KIF26B: variants seen among roughly 807,000 people sequenced by gnomAD.
KIF26B encodes kinesin family member 26B, also known as kinesin-like protein KIF26B.
KIF26B carries 63 observed loss-of-function variants against 151.2 expected under a neutral mutation model. That is an observed-to-expected ratio of 0.42 (90% CI 0.34 to 0.51). KIF26B has a LOEUF of 0.51. Ranked by LOEUF, KIF26B falls within the 20% of genes least tolerant of loss-of-function variation. KIF26B has a pLI of 0.07. For synonymous variants in KIF26B, 1,357 were observed against 1,262.1 expected (o/e 1.08, Z -1.59); for missense variants, 2,813 against 2,913.6 (o/e 0.97, Z 0.79).
At position 245,596,678 on chromosome 1, in the gene KIF26B, G is replaced by A. The variant is rs572345618; in HGVS notation, c.1351-5899G>A. On this transcript the variant is annotated intron_variant, in intron 5 of 14. Coordinates refer to ENST00000407071, the MANE Select transcript of KIF26B (RefSeq NM_018012.4). ...TCACTCAGTCCTGAGCTGAGTTCAAGCCCTGAATATCCTTATTAATTTTCT... is the reference window on the plus strand; with the variant it reads ...TCACTCAGTCCTGAGCTGAGTTCAAACCCTGAATATCCTTATTAATTTTCT... Among the ~76,000 whole-genome samples the A allele has an allele frequency of 2.8e-4, 42 of 152,258 alleles. No individual in the cohort carries two copies. The South Asian group carries it at 6.2e-3, about 23-fold the overall frequency.
At chr1:245,673,281 C>G (rs1181135834) in intron 10 of KIF26B, among the ~76,000 whole-genome samples, 1 of 146,556 alleles carries the variant, frequency 6.8e-6, no homozygotes, top group African/African-American at 2.6e-5. Flanking sequence ...GGCCCAGTCC[C>G]CGCTGGGCGC....
chr1:245,469,243 G>T (rs1049599720), intron 4 of KIF26B, among the ~76,000 whole-genome samples: 1 of 152,088 alleles, frequency 6.6e-6, no homozygotes, highest in African/African-American at 2.4e-5. Flanking sequence ...CACTTGGGGA[G>T]AATGTCATGC....
chr1:245,685,481 T>C lies in KIF26B; in HGVS notation c.2498T>C (p.Phe833Ser). 1.9e-6 allele frequency: 3 copies of C among 1,613,726 alleles called. No individual in the cohort carries two copies. The highest frequency in any genetic ancestry group is 1.7e-6 in the Non-Finnish European group (2 of 1,179,844). Residue 833 changes from phenylalanine to serine, a missense_variant, in exon 12 of 15, where the codon TTC (phenylalanine) becomes TCC (serine). This residue lies in a region of KIF26B where 2,060 missense variants were observed against 2,088.6 expected (regional missense o/e 0.99). Coordinates refer to ENST00000407071, the MANE Select transcript of KIF26B (RefSeq NM_018012.4). ...CGCAGGCCCACCCAGCTGAGACCCT[T>C]CCACACCAGGGCCACGGTGGACCCT... ...RMRRPTQLRP[F>S]HTRATVDPDF...
At chr1:245,303,758 T>A (rs889455690) in intron 2 of KIF26B, among the ~76,000 whole-genome samples, 1 of 152,186 alleles carries the variant, frequency 6.6e-6, no homozygotes, top group African/African-American at 2.4e-5. Context: ...TGATAAAATA[T>A]ACATAAGGCA....
intron 10 of KIF26B, among the ~76,000 whole-genome samples, chr1:245,662,265 A>AAT (rs1489787891): frequency 6.7e-6 from 1 of 149,956 alleles, no homozygotes; most frequent in Non-Finnish European, 1.5e-5. Context: ...ACACACACCC[A>AAT]ATATATATAC....
At position 245,156,347 on chromosome 1, in the gene KIF26B, A is replaced by G; in HGVS notation, c.129A>G (p.Lys43=). 1.9e-6 allele frequency: 3 copies of G among 1,547,066 alleles called. No individual in the cohort carries two copies. Among genetic ancestry groups the G allele is most frequent in the Non-Finnish European group, 2.6e-6 (3 of 1,145,702 alleles). Reference sequence around the variant, plus strand: ...TCTCCCCGGAAAGCTGGTACCGGAAAGCATACGAGGAGTCGCGCGCCGGCA... The same window carrying G: ...TCTCCCCGGAAAGCTGGTACCGGAAGGCATACGAGGAGTCGCGCGCCGGCA... ...APFSPESWYR[K]AYEESRAGSR... Residue 43 remains lysine, a synonymous_variant, in exon 2 of 15, where the codon AAA becomes AAG. Transcript: ENST00000407071.
At chr1:245,314,552 G>A (rs1414999272) in intron 2 of KIF26B, among the ~76,000 whole-genome samples, 1 of 152,196 alleles carries the variant, frequency 6.6e-6, no homozygotes, top group Non-Finnish European at 1.5e-5. Flanking sequence ...ATAAGCAAAT[G>A]AATGGTCGTG....
At chr1:245,203,049 T>C (rs1486990797) in intron 2 of KIF26B, among the ~76,000 whole-genome samples, 1 of 151,120 alleles carries the variant, frequency 6.6e-6, no homozygotes, top group Non-Finnish European at 1.5e-5. Flanking sequence ...GGTCAGGAGT[T>C]TGAGACCAGC....
Position 245,597,909 on chromosome 1 carries a change from G to A in KIF26B, c.1351-4668G>A, listed in dbSNP as rs545288068. Among the ~76,000 whole-genome samples the A allele has an allele frequency of 7.9e-4, 120 of 151,664 alleles. 1 individual carries two copies. The South Asian group carries it at 0.013, about 17-fold the overall frequency. ...TTCAATCTCTGCTATCCTTTCTTCC[G>A]CTTGATCGATTCAGCTATTGATACT... On this transcript the variant is annotated intron_variant, in intron 5 of 14. Transcript: ENST00000407071. This position sits in a 1 kb window ranked among gnomAD's most constrained non-coding sequence, Gnocchi z 4.6.
intron 10 of KIF26B, among the ~76,000 whole-genome samples, chr1:245,677,023 C>T (rs2147945763): frequency 6.6e-6 from 1 of 152,326 alleles, no homozygotes; most frequent in African/African-American, 2.4e-5. Context: ...AATGATGCTG[C>T]TTGCACCTCA....
At chr1:245,169,203 C>T (rs552264190) in intron 2 of KIF26B, among the ~76,000 whole-genome samples, 1 of 152,238 alleles carries the variant, frequency 6.6e-6, no homozygotes, top group East Asian at 1.9e-4. Context: ...TGCAGCCAGA[C>T]ACATCCAACC....
intron 4 of KIF26B, among the ~76,000 whole-genome samples, chr1:245,457,317 GA>G (rs1457338564): frequency 3.9e-5 from 6 of 152,262 alleles, no homozygotes; most frequent in African/African-American, 1.4e-4. Context: ...AGAGCTGGAA[GA>G]AAAAAACCCA....
chr1:245,381,249 G>T (rs1349220991), intron 3 of KIF26B, among the ~76,000 whole-genome samples: 1 of 152,230 alleles, frequency 6.6e-6, no homozygotes, highest in East Asian at 1.9e-4. Flanking sequence ...AGACCACACA[G>T]ATCTGCATGT....
rs766359516 is a variant in KIF26B at position 245,611,987 on chromosome 1, C to T, written c.2098+11C>T. Reference sequence around the variant, plus strand: ...GCGGGAAAGGGGGAAGTAAGTCGGCCACTCCACCCTCCTGCCTCCTTAGCG... The same window carrying T: ...GCGGGAAAGGGGGAAGTAAGTCGGCTACTCCACCCTCCTGCCTCCTTAGCG... On this transcript the variant is annotated intron_variant, in intron 9 of 14. Transcript: ENST00000407071. 4 of 1,609,346 alleles carry T rather than the reference C, an allele frequency of 2.5e-6. No individual in the cohort carries two copies. In the South Asian group the frequency reaches 4.4e-5, roughly 18 times the overall value.
intron 2 of KIF26B, among the ~76,000 whole-genome samples, chr1:245,182,169 A>G (rs974107146): frequency 3.9e-5 from 6 of 152,100 alleles, no homozygotes; most frequent in African/African-American, 1.4e-4. Flanking sequence ...CATCATCACT[A>G]TCTAATTTTA....
chr1:245,629,534 T>C (rs1040160611), intron 9 of KIF26B, among the ~76,000 whole-genome samples: 4 of 152,032 alleles, frequency 2.6e-5, no homozygotes, highest in African/African-American at 7.2e-5. Context: ...TGGGAAAAGC[T>C]AGCCGTATGC....
chr1:245,367,788 G>A lies in KIF26B; in HGVS notation c.999+421G>A, dbSNP rs112726939. On this transcript the variant is annotated intron_variant, in intron 3 of 14. Coordinates refer to ENST00000407071, the MANE Select transcript of KIF26B (RefSeq NM_018012.4). This position sits in a 1 kb window ranked among gnomAD's most constrained non-coding sequence, Gnocchi z 4.2. ...CAGCGTGACTTGGCACAAGGGGTTT[G>A]CCCTGTCTTAGGCTCAAGTCCCTCA... 5.8e-3 allele frequency among the ~76,000 whole-genome samples: 887 copies of A among 152,336 alleles called. 8 individuals are homozygous for A. Among genetic ancestry groups the A allele is most frequent in the African/African-American group, 0.02 (840 of 41,586 alleles).
chr1:245,242,372 T>C (rs891672390), intron 2 of KIF26B, among the ~76,000 whole-genome samples: 10 of 152,224 alleles, frequency 6.6e-5, no homozygotes, highest in Admixed American at 5.2e-4. Flanking sequence ...CAGGGTGCCC[T>C]TTCCCACTCC....
chr1:245,238,887 C>T (rs1224208362), intron 2 of KIF26B, among the ~76,000 whole-genome samples: 1 of 151,748 alleles, frequency 6.6e-6, no homozygotes, highest in Non-Finnish European at 1.5e-5. Context: ...CAAAAAAACC[C>T]CAATTGATCT....
Sources: allele counts gnomAD v4.1 joint callset (sites outside exome capture counted in the v4.1 genomes callset), GRCh38; gene constraint gnomAD v4.1.1; regional missense constraint gnomAD v4.1.1; non-coding constraint Gnocchi (gnomAD v3.1); transcripts MANE v1.5; gene names NCBI Gene and HGNC (gene_info 2026-07-23, HGNC 2026-07-21).